The following ABCA1 variants were observed in gnomAD, a reference collection of about 807,000 sequenced individuals.
ABCA1 encodes phospholipid-transporting ATPase ABCA1.
Under a neutral mutation model 262.5 loss-of-function variants are expected in ABCA1, and 133 were observed. The ratio of observed to expected loss-of-function variants is 0.51; its 90% CI spans 0.44 to 0.59. The LOEUF (loss-of-function observed/expected upper bound fraction) is 0.59. Among genes scored for constraint, ABCA1 ranks in the 20% least tolerant of loss-of-function variants. The pLI is 0.00. For synonymous variants in ABCA1, 1,022 were observed against 1,043.5 expected (o/e 0.98, Z 0.40); for missense variants, 2,452 against 2,777.5 (o/e 0.88, Z 2.63).
In ABCA1 at chr9:104,840,458, T is replaced by G. The variant is rs780435861; in HGVS notation, c.875A>C (p.Asn292Thr). 1.2e-6 allele frequency: 2 copies of G among 1,614,006 alleles called. No homozygotes were observed. Among genetic ancestry groups the G allele is most frequent in the South Asian group, 1.1e-5 (1 of 91,080 alleles). Residue 292 changes from asparagine (N) to threonine (T), a missense_variant, in exon 9 of 50, where the codon AAC (asparagine) becomes ACC (threonine). Asn to Thr is a moderately conservative substitution (Grantham distance 65). Around this residue, in one of 4 missense-constraint regions of ABCA1, gnomAD observed 1,032 missense variants for 1,089.7 expected, o/e 0.95. Transcript: ENST00000374736. ...RQEVMFLTNV[N>T]SSSSSTQIYQ... Reference sequence around the variant, plus strand: ...GATTTGGGTGGAGGAGCTGGAGCTGTTCACATTGGTCAGAAACATCACCTC... The same window carrying G: ...GATTTGGGTGGAGGAGCTGGAGCTGGTCACATTGGTCAGAAACATCACCTC...
intron 6 of ABCA1, among the ~76,000 whole-genome samples, chr9:104,860,645 C>T (rs1762522344): frequency 1.3e-5 from 2 of 152,040 alleles, no homozygotes; most frequent in African/African-American, 4.8e-5. Context: ...GGGTCTGGTG[C>T]TACCCACTGC....
At chr9:104,792,692 G>A in intron 42 of ABCA1, 94 bp downstream of exon 42, 1 of 1,530,576 alleles carries the variant, frequency 6.5e-7, no homozygotes, top group Non-Finnish European at 9.0e-7. Context: ...GGGAACACAT[G>A]CCCTTTTATT....
rs748088371 is a variant in ABCA1, at chr9:104,822,702, G to A, written c.2657-35C>T. The A allele has an allele frequency of 9.3e-6, 15 of 1,611,834 alleles. No individual in the cohort carries two copies. The East Asian group carries it at 2.9e-4, about 31-fold the overall frequency. Reference sequence around the variant, plus strand: ...GAGAGAAGACAGAAATGAACCCACAGAAAGCACTGAGGAGTGGAGTGTAAG... The same window carrying A: ...GAGAGAAGACAGAAATGAACCCACAAAAAGCACTGAGGAGTGGAGTGTAAG... On this transcript the variant is annotated intron_variant, in intron 18 of 49. Coordinates refer to ENST00000374736, the MANE Select transcript of ABCA1 (RefSeq NM_005502.4).
At position 104,893,735 on chromosome 9, in the gene ABCA1, G is replaced by A. The variant is rs184561425; in HGVS notation, c.67-4540C>T. Among the ~76,000 whole-genome samples the A allele has an allele frequency of 2.0e-5, 3 of 152,270 alleles. No individual in the cohort carries two copies. In the East Asian group the frequency reaches 5.8e-4, roughly 29 times the overall value. The stretch of plus-strand genomic sequence containing the variant: ...GAAGGGTAAATCACAGAGATAGTCA[G>A]TAGCGGGGTTGAGATGAGCAGCCAA... On this transcript the variant is annotated intron_variant, in intron 2 of 49. Coordinates refer to ENST00000374736, the MANE Select transcript of ABCA1 (RefSeq NM_005502.4).
chr9:104,813,052 A>G lies in ABCA1; in HGVS notation c.3902-330T>C, dbSNP rs117308360. 8.2e-4 allele frequency among the ~76,000 whole-genome samples: 125 copies of G among 152,316 alleles called. 1 individual carries two copies. The East Asian group carries it at 9.7e-3, about 12-fold the overall frequency. On this transcript the variant is annotated intron_variant, in intron 27 of 49. Coordinates refer to ENST00000374736, the MANE Select transcript of ABCA1 (RefSeq NM_005502.4). ...TCAAGTCATCAATTTCTTATAGACT[A>G]CTCTATGAAACAGGCCATGTACGTA... is the stretch of plus-strand genomic sequence containing the variant.
chr9:104,887,993 C>T (rs1839338588), intron 3 of ABCA1, among the ~76,000 whole-genome samples: 1 of 151,834 alleles, frequency 6.6e-6, no homozygotes, highest in East Asian at 1.9e-4. Context: ...TCCCACTGTG[C>T]CTGGCCCGCT....
At chr9:104,818,967 T>A in intron 22 of ABCA1, 84 bp from the exon 23 acceptor site, 1 of 1,311,920 alleles carries the variant, frequency 7.6e-7, no homozygotes, top group Non-Finnish European at 1.1e-6. Flanking sequence ...AGAGAGATAT[T>A]AGCAGGGGTA....
chr9:104,879,432 G>A (rs1187471175), intron 5 of ABCA1, among the ~76,000 whole-genome samples: 4 of 152,188 alleles, frequency 2.6e-5, no homozygotes, highest in South Asian at 2.1e-4. Context: ...CACAGTTATC[G>A]ATGACTGGAA....
At chr9:104,912,404 TAAAC>T (rs917042063) in intron 1 of ABCA1, among the ~76,000 whole-genome samples, 21 of 152,056 alleles carry the variant, frequency 1.4e-4, no homozygotes, top group Admixed American at 1.3e-3. Context: ...GTCTCAAAAA[TAAAC>T]AAACAAATAA....
chr9:104,907,920 T>C (rs1392360946), intron 1 of ABCA1, among the ~76,000 whole-genome samples: 2 of 152,202 alleles, frequency 1.3e-5, no homozygotes, highest in African/African-American at 4.8e-5. Flanking sequence ...TTTCATACAG[T>C]TTGGGCATGG....
chr9:104,861,390 C>T, intron 6 of ABCA1: 1 of 578,370 alleles, frequency 1.7e-6, no homozygotes, highest in South Asian at 2.1e-5. Context: ...TTTAACTCAA[C>T]TTAAAATGTA....
intron 2 of ABCA1, among the ~76,000 whole-genome samples, chr9:104,895,481 A>C (rs943628079): frequency 2.0e-5 from 3 of 147,938 alleles, no homozygotes; most frequent in African/African-American, 7.3e-5. Context: ...AAATATCTCC[A>C]GATGTTATGT....
At chr9:104,804,925 T>C (rs1830637993) in intron 31 of ABCA1, among the ~76,000 whole-genome samples, 1 of 152,192 alleles carries the variant, frequency 6.6e-6, no homozygotes, top group African/African-American at 2.4e-5. Flanking sequence ...GCCAAGGTCT[T>C]TCCCAAGAAT....
intron 45 of ABCA1, 49 bp from the exon 46 acceptor site, chr9:104,788,103 T>C: frequency 6.3e-7 from 1 of 1,576,704 alleles, no homozygotes; most frequent in Non-Finnish European, 8.7e-7. Context: ...GGGAATTTTA[T>C]CATGCTGTCC....
At chr9:104,895,797 C>T (rs892563177) in intron 2 of ABCA1, among the ~76,000 whole-genome samples, 3 of 152,150 alleles carry the variant, frequency 2.0e-5, no homozygotes, top group Admixed American at 6.5e-5. Flanking sequence ...CATTTCCCTC[C>T]CTAGCCTGAG....
intron 33 of ABCA1, 77 bp from the exon 34 acceptor site, chr9:104,802,236 G>A (rs1830402068): frequency 7.5e-7 from 1 of 1,327,646 alleles, no homozygotes; most frequent in Admixed American, 1.7e-5. Context: ...GTGCGAGTGT[G>A]TACAAGGTTC....
chr9:104,787,061 G>A, intron 46 of ABCA1, 85 bp from the exon 47 acceptor site: 1 of 1,149,636 alleles, frequency 8.7e-7, no homozygotes, highest in Non-Finnish European at 1.3e-6. Flanking sequence ...AAGCATCTTT[G>A]AAACAGCTTA....
In ABCA1 at chr9:104,786,784, G is replaced by A. The variant is rs114821402; in HGVS notation, c.6308+89C>T. 2.8e-3 allele frequency: 3,409 copies of A among 1,235,416 alleles called. 79 individuals are homozygous for A. In the African/African-American group the frequency reaches 0.042, roughly 15 times the overall value. The allele number at this position is 1,235,416 out of a possible 1,614,324, so 76.5% of individuals were successfully genotyped here. ...TAATTGTTTTACTCTTTGCTTTTCT[G>A]TATTTTCTAATTTTTACAAAATGAT... On this transcript the variant is annotated intron_variant, in intron 47 of 49. Transcript: ENST00000374736.
intron 31 of ABCA1, among the ~76,000 whole-genome samples, chr9:104,805,806 G>C (rs1451959987): frequency 6.6e-6 from 1 of 152,170 alleles, no homozygotes; most frequent in South Asian, 2.1e-4. Flanking sequence ...CAAGAAGCGA[G>C]TTAAAGACTG....
Sources: allele counts gnomAD v4.1 joint callset (sites outside exome capture counted in the v4.1 genomes callset), GRCh38; gene constraint gnomAD v4.1.1; regional missense constraint gnomAD v4.1.1; transcripts MANE v1.5; gene names NCBI Gene and HGNC (gene_info 2026-07-23, HGNC 2026-07-21).